The following LRP1B variants were observed in gnomAD, a reference collection of about 807,000 sequenced individuals.
LRP1B encodes the protein LDL receptor related protein 1B.
LRP1B carries 217 observed loss-of-function variants against 556.6 expected under a neutral mutation model. The ratio of observed to expected loss-of-function variants is 0.39; its 90% CI spans 0.35 to 0.44. The LOEUF (loss-of-function observed/expected upper bound fraction) is 0.44. LRP1B is among the 20% of genes least tolerant of loss of function. The pLI, the probability that LRP1B is intolerant of heterozygous loss-of-function variation, is 1.00. For missense variants in LRP1B, 5,053 were observed against 5,620.8 expected, an observed-to-expected ratio of 0.90 and a Z score of 3.23; for synonymous variants, 2,047 against 1,865.8, an observed-to-expected ratio of 1.10 and a Z score of -2.50.
At chr2:140,864,378 T>C (rs867583468) in intron 27 of LRP1B, among the ~76,000 whole-genome samples, 1 of 152,050 alleles carries the variant, frequency 6.6e-6, no homozygotes, top group Admixed American at 6.6e-5. Context: ...ACTATGAATG[T>C]AGAGGAGGTA....
intron 22 of LRP1B, 21 bp downstream of exon 22, chr2:140,907,856 G>C (rs1411086881): frequency 6.2e-7 from 1 of 1,608,382 alleles, no homozygotes; most frequent in Non-Finnish European, 8.5e-7. Flanking sequence ...GGAGAAGTCA[G>C]TACAATTAAA....
intron 7 of LRP1B, among the ~76,000 whole-genome samples, chr2:141,151,708 A>G (rs937987592): frequency 2.0e-5 from 3 of 152,110 alleles, no homozygotes; most frequent in Non-Finnish European, 2.9e-5. Flanking sequence ...TATTAGATCA[A>G]TATCTTTTTT....
At chr2:141,017,260 T>C (rs1697926682) in intron 12 of LRP1B, among the ~76,000 whole-genome samples, 1 of 152,068 alleles carries the variant, frequency 6.6e-6, no homozygotes, top group South Asian at 2.1e-4. Context: ...AAATTAACTA[T>C]ATAAAAGTGA....
intron 27 of LRP1B, among the ~76,000 whole-genome samples, chr2:140,858,425 CG>C (rs988463245): frequency 6.8e-6 from 1 of 146,316 alleles, no homozygotes; most frequent in Non-Finnish European, 1.5e-5. Flanking sequence ...TATGTATGTA[CG>C]TGTATAACCT....
chr2:140,578,997 C>T (rs1465967455), intron 43 of LRP1B, among the ~76,000 whole-genome samples: 1 of 151,946 alleles, frequency 6.6e-6, no homozygotes, highest in South Asian at 2.1e-4. Flanking sequence ...AAGTCTATCT[C>T]CCTTCTCTCA....
At chr2:140,383,492 G>A (rs1683627366) in intron 67 of LRP1B, among the ~76,000 whole-genome samples, 1 of 151,914 alleles carries the variant, frequency 6.6e-6, no homozygotes, top group Non-Finnish European at 1.5e-5. Context: ...TGCCTGTGTA[G>A]AACGACTGGC....
At chr2:141,950,314 A>C (rs1406827682) in intron 1 of LRP1B, among the ~76,000 whole-genome samples, 1 of 152,184 alleles carries the variant, frequency 6.6e-6, no homozygotes, top group Non-Finnish European at 1.5e-5. Context: ...TTGTAGAAAT[A>C]ATTTGATATT....
intron 25 of LRP1B, among the ~76,000 whole-genome samples, chr2:140,875,662 C>G (rs1010269704): frequency 6.6e-6 from 1 of 151,990 alleles, no homozygotes; most frequent in South Asian, 2.1e-4. Flanking sequence ...TCTTTTCTGA[C>G]CTAATTAATC....
intron 41 of LRP1B, among the ~76,000 whole-genome samples, chr2:140,665,533 T>A (rs1461611128): frequency 1.3e-5 from 2 of 152,180 alleles, no homozygotes. Context: ...TTATTTTCCC[T>A]TTTTTCCATA....
intron 62 of LRP1B, among the ~76,000 whole-genome samples, chr2:140,454,314 A>G (rs1165164684): frequency 6.6e-6 from 1 of 151,932 alleles, no homozygotes. Context: ...ATGCCCAGCT[A>G]ATTTTTAATA....
rs112743952 is a variant in LRP1B, at chr2:140,355,528, T to C, written c.11530+814A>G. On this transcript the variant is annotated intron_variant, in intron 75 of 90. Coordinates refer to ENST00000389484, the MANE Select transcript of LRP1B (RefSeq NM_018557.3). ...ATCAATTCATTTAAATAATTCCATT[T>C]TGATTAACACGAAGTAGAATCATTT... Among the ~76,000 whole-genome samples, 549 of 152,098 alleles carry C rather than the reference T, an allele frequency of 3.6e-3. 1 individual carries two copies. Among genetic ancestry groups the C allele is most frequent in the Non-Finnish European group, 6.3e-3 (426 of 67,930 alleles).
chr2:141,943,507 T>C (rs1435518229), intron 1 of LRP1B, among the ~76,000 whole-genome samples: 1 of 152,192 alleles, frequency 6.6e-6, no homozygotes, highest in African/African-American at 2.4e-5. Context: ...AATAGTTTTA[T>C]ATTTAAATTA....
intron 86 of LRP1B, among the ~76,000 whole-genome samples, chr2:140,250,590 C>A (rs150844627): frequency 1.3e-5 from 2 of 151,022 alleles, no homozygotes; most frequent in Admixed American, 1.3e-4. Context: ...ATTTCCATAA[C>A]AGTTGTATGT....
intron 43 of LRP1B, among the ~76,000 whole-genome samples, chr2:140,580,253 C>A (rs954464646): frequency 6.6e-6 from 1 of 152,102 alleles, no homozygotes; most frequent in Non-Finnish European, 1.5e-5. Flanking sequence ...AAAAAAGACG[C>A]AAGGTCTGGA....
intron 2 of LRP1B, among the ~76,000 whole-genome samples, chr2:141,746,400 C>T (rs908606881): frequency 7.9e-5 from 12 of 152,072 alleles, no homozygotes; most frequent in Admixed American, 2.6e-4. Context: ...CTGAGTTCAG[C>T]CCAGTTTTGC....
intron 31 of LRP1B, among the ~76,000 whole-genome samples, chr2:140,815,861 GTCTC>G (rs201390475): frequency 4.1e-5 from 4 of 96,444 alleles, no homozygotes; most frequent in African/African-American, 1.2e-4. Flanking sequence ...GAAGAATGTT[GTCTC>G]TCTTTTTTTT....
intron 84 of LRP1B, among the ~76,000 whole-genome samples, chr2:140,288,884 T>C (rs1340130397): frequency 6.6e-6 from 1 of 151,862 alleles, no homozygotes; most frequent in Non-Finnish European, 1.5e-5. Flanking sequence ...TATGTACTCT[T>C]CCTTACATTG....
intron 1 of LRP1B, among the ~76,000 whole-genome samples, chr2:142,088,408 G>C (rs1307898571): frequency 6.6e-6 from 1 of 152,018 alleles, no homozygotes; most frequent in African/African-American, 2.4e-5. Flanking sequence ...TAGTACATGA[G>C]AAATTAGAAT....
At chr2:141,427,764 G>T (rs889425860) in intron 3 of LRP1B, among the ~76,000 whole-genome samples, 3 of 151,924 alleles carry the variant, frequency 2.0e-5, no homozygotes, top group African/African-American at 7.3e-5. Flanking sequence ...TTCAAAATTG[G>T]TTTTTCTTTA....
Sources: gnomAD v4.1 joint callset for allele counts (sites outside exome capture counted in the v4.1 genomes callset) on GRCh38, gnomAD v4.1.1 for gene constraint, MANE v1.5 for transcripts, NCBI Gene and HGNC (gene_info 2026-07-23, HGNC 2026-07-21) for gene names.